SCN2A: variants seen among roughly 807,000 people sequenced by gnomAD.
The protein encoded by SCN2A is sodium channel protein type 2 subunit alpha.
In SCN2A, 20 loss-of-function variants were observed where a neutral mutation model predicts 188.7. The ratio of observed to expected loss-of-function variants is 0.11; its 90% confidence interval spans 0.07 to 0.15. SCN2A has a LOEUF of 0.15. SCN2A is among the 10% of genes least tolerant of loss of function. SCN2A has a pLI of 1.00. For synonymous variants in SCN2A, 804 were observed against 833.1 expected (o/e 0.97, Z 0.60); for missense variants, 1,278 against 2,445.0 (o/e 0.52, Z 10.07).
At chr2:165,266,791 G>T (rs1000191130) in intron 1 of SCN2A, 12 of 152,018 alleles carry the variant, frequency 7.9e-5, no homozygotes, top group African/African-American at 2.7e-4. Context: ...AAAAAAACCT[G>T]TTAGAACTAA....
At chr2:165,305,392 A>G (rs1669808240) in intron 3 of SCN2A, among the ~76,000 whole-genome samples, 1 of 152,216 alleles carries the variant, frequency 6.6e-6, no homozygotes, top group Non-Finnish European at 1.5e-5. Flanking sequence ...TCACTTGGAG[A>G]GAAGTATCTG....
Position 165,389,667 on chromosome 2 carries a change from TGAATGA to T in SCN2A, c.5866_5871del (p.Glu1956_Asn1957del), listed in dbSNP as rs1574754497. On this transcript the variant is annotated inframe_deletion, in exon 27 of 27. Transcript: ENST00000375437. The surrounding 1 kb of genome is among the most constrained non-coding windows in gnomAD (Gnocchi z 4.2). ...AAAGAAGATACTCTCATTGATAAAC[TGAATGA>T]GAATTCAACTCCAGAGAAAACCGAT... 4.3e-6 allele frequency: 7 copies of T among 1,613,972 alleles called. No individual in the cohort carries two copies. The highest frequency in any genetic ancestry group is 5.9e-6 in the Non-Finnish European group (7 of 1,179,954).
At chr2:165,386,459 A>G (rs1419109829) in intron 25 of SCN2A, among the ~76,000 whole-genome samples, 1 of 151,902 alleles carries the variant, frequency 6.6e-6, no homozygotes, top group Non-Finnish European at 1.5e-5. Flanking sequence ...GCGAGACTCC[A>G]TCTCAAAAAA....
At chr2:165,262,266 G>T (rs961427192) in intron 1 of SCN2A, among the ~76,000 whole-genome samples, 1 of 152,040 alleles carries the variant, frequency 6.6e-6, no homozygotes, top group African/African-American at 2.4e-5. Context: ...GGTGGTGTTT[G>T]GTTACATGGA....
In SCN2A at chr2:165,375,648, C is replaced by A. The variant is rs193012154; in HGVS notation, c.4254+682C>A. ...GAAAAAGTATTTCAAAAAGTAAATGCGCTTGAATGTATTTGTTTTCAGTTT... is the reference window on the plus strand; with the variant it reads ...GAAAAAGTATTTCAAAAAGTAAATGAGCTTGAATGTATTTGTTTTCAGTTT... On this transcript the variant is annotated intron_variant, in intron 22 of 26. Coordinates refer to ENST00000375437, the MANE Select transcript of SCN2A (RefSeq NM_001040142.2). Among the ~76,000 whole-genome samples the A allele has an allele frequency of 3.5e-3, 534 of 151,958 alleles. 1 individual carries two copies. The highest frequency in any genetic ancestry group is 6.3e-3 in the Non-Finnish European group (428 of 67,924).
At chr2:165,283,790 T>C (rs1695695329) in intron 1 of SCN2A, among the ~76,000 whole-genome samples, 2 of 152,180 alleles carry the variant, frequency 1.3e-5, no homozygotes. Flanking sequence ...GGACTATATT[T>C]AGTATTTGAA....
chr2:165,364,076 C>G (rs967684589), intron 17 of SCN2A, among the ~76,000 whole-genome samples: 4 of 152,180 alleles, frequency 2.6e-5, no homozygotes, highest in African/African-American at 9.6e-5. Flanking sequence ...CTGACTACAG[C>G]ATCCATCTTA....
intron 5 of SCN2A, chr2:165,309,038 C>A: frequency 8.7e-7 from 1 of 1,146,770 alleles, no homozygotes; most frequent in Non-Finnish European, 1.3e-6. Flanking sequence ...TGATTGATGA[C>A]AATGCCATTT....
chr2:165,284,909 A>T (rs557048790), intron 1 of SCN2A, among the ~76,000 whole-genome samples: 7 of 152,328 alleles, frequency 4.6e-5, no homozygotes, highest in African/African-American at 1.4e-4. Context: ...CATGCACTTA[A>T]TACATCTGAA....
intron 3 of SCN2A, among the ~76,000 whole-genome samples, chr2:165,302,215 T>C (rs1461755948): frequency 1.1e-4 from 17 of 152,230 alleles, no homozygotes; most frequent in Admixed American, 1.1e-3. Context: ...AATGCTCATA[T>C]GTTATCATTT....
Position 165,258,355 on chromosome 2 carries a change from G to A in SCN2A, c.-52+18715G>A, listed in dbSNP as rs185768533. Among the ~76,000 whole-genome samples, 211 of 152,276 alleles carry A rather than the reference G, an allele frequency of 1.4e-3. 1 individual carries two copies. The highest frequency in any genetic ancestry group is 5.0e-3 in the African/African-American group (206 of 41,562). ...TTTATTTTTTGTATGGTATAAGGAA[G>A]TGGTCCAGTTTCAATCTTCTGCATA... On this transcript the variant is annotated intron_variant, in intron 1 of 26. Coordinates refer to ENST00000375437, the MANE Select transcript of SCN2A (RefSeq NM_001040142.2).
intron 7 of SCN2A, among the ~76,000 whole-genome samples, chr2:165,311,292 TA>T (rs1319220772): frequency 4.6e-5 from 7 of 152,032 alleles, no homozygotes; most frequent in Non-Finnish European, 1.0e-4. Context: ...TATGTGAATA[TA>T]AAAATACGTA....
chr2:165,271,624 T>C (rs950401420), intron 1 of SCN2A: 5 of 152,198 alleles, frequency 3.3e-5, no homozygotes, highest in Non-Finnish European at 7.4e-5. Flanking sequence ...TAAGTGCATA[T>C]TACTTTGAGT....
chr2:165,291,430 T>TTC (rs1320943369), intron 1 of SCN2A, among the ~76,000 whole-genome samples: 102 of 124,240 alleles, frequency 8.2e-4, no homozygotes, highest in African/African-American at 2.3e-3. Context: ...CTGTCTGTCT[T>TTC]TCTTTCTCTT....
intron 21 of SCN2A, 64 bp downstream of exon 21, chr2:165,373,411 A>C: frequency 1.3e-6 from 2 of 1,577,218 alleles, no homozygotes; most frequent in Non-Finnish European, 8.7e-7. Context: ...ACTTTGTACC[A>C]TGGAAATGTC....
intron 1 of SCN2A, among the ~76,000 whole-genome samples, chr2:165,284,664 T>A (rs1201844166): frequency 1.3e-5 from 2 of 152,128 alleles, no homozygotes; most frequent in African/African-American, 4.8e-5. Flanking sequence ...TGAGGAAAAC[T>A]GAGCTGGAAA....
chr2:165,282,678 G>A (rs980184252), intron 1 of SCN2A, among the ~76,000 whole-genome samples: 12 of 152,284 alleles, frequency 7.9e-5, no homozygotes, highest in Admixed American at 2.0e-4. Flanking sequence ...AGCCTCTGGA[G>A]TAGCTAGGAT....
chr2:165,316,218 A>C (rs961877321), intron 11 of SCN2A, among the ~76,000 whole-genome samples: 1 of 152,134 alleles, frequency 6.6e-6, no homozygotes, highest in African/African-American at 2.4e-5. Flanking sequence ...CCTTTGTTTC[A>C]AAGGGGACTG....
At chr2:165,251,214 C>A (rs1457780243) in intron 1 of SCN2A, among the ~76,000 whole-genome samples, 1 of 152,008 alleles carries the variant, frequency 6.6e-6, no homozygotes, top group Non-Finnish European at 1.5e-5. Context: ...AACCAGACAA[C>A]AACAACAAAG....
Sources: gnomAD v4.1 joint callset for allele counts (sites outside exome capture counted in the v4.1 genomes callset) on GRCh38, gnomAD v4.1.1 for gene constraint, Gnocchi (gnomAD v3.1) non-coding constraint, MANE v1.5 for transcripts, NCBI Gene and HGNC (gene_info 2026-07-23, HGNC 2026-07-21) for gene names.